HBP1: variants seen among roughly 807,000 people sequenced by gnomAD.
HBP1 encodes HMG-box transcription factor 1, also known as HMG box-containing protein 1.
In HBP1, 20 loss-of-function variants were observed where a neutral mutation model predicts 62.6. The ratio of observed to expected loss-of-function variants is 0.32; its 90% CI spans 0.22 to 0.46. HBP1 has a LOEUF of 0.46. HBP1 is among the 20% of genes least tolerant of loss of function. The pLI, the probability that HBP1 is intolerant of heterozygous loss-of-function variation, is 1.00. For synonymous variants in HBP1, 232 were observed against 206.2 expected (o/e 1.12, Z -1.07); for missense variants, 480 against 611.8 (o/e 0.78, Z 2.27).
rs967842590 is a variant in HBP1, at chr7:107,201,399, A to C, written c.1528-15A>C. ...GATTTGTAAACATTCACTGAGTTTA[A>C]TTTTATTTCCACAGGGCTCACAACA... On this transcript the variant is annotated splice_polypyrimidine_tract_variant and intron_variant, in intron 10 of 10. Coordinates refer to ENST00000222574, the MANE Select transcript of HBP1 (RefSeq NM_012257.4). 1.9e-6 allele frequency: 3 copies of C among 1,550,016 alleles called. No individual in the cohort carries two copies. The African/African-American group carries it at 4.1e-5, about 21-fold the overall frequency.
chr7:107,190,362 G>A (rs375860784), intron 8 of HBP1, 45 bp downstream of exon 8: 23 of 1,408,934 alleles, frequency 1.6e-5, no homozygotes, highest in Non-Finnish European at 2.2e-5. Flanking sequence ...CTTAAAGTTT[G>A]CCCTTCATTT....
chr7:107,171,853 T>A (rs1796614653), intron 1 of HBP1, among the ~76,000 whole-genome samples: 1 of 125,760 alleles, frequency 8.0e-6, no homozygotes, highest in African/African-American at 3.0e-5. Flanking sequence ...GAACGAGACT[T>A]CCTCTCCAAA....
At chr7:107,173,136 G>A (rs139670212) in intron 1 of HBP1, among the ~76,000 whole-genome samples, 87 of 152,226 alleles carry the variant, frequency 5.7e-4, no homozygotes, top group African/African-American at 2.0e-3. Flanking sequence ...AGATGCTTTT[G>A]GTATAGAAAG....
chr7:107,173,202 C>T (rs868279465), intron 1 of HBP1, among the ~76,000 whole-genome samples: 2 of 152,120 alleles, frequency 1.3e-5, no homozygotes, highest in Admixed American at 6.5e-5. Flanking sequence ...TTATGTAATC[C>T]ATTTAAAATA....
chr7:107,172,192 T>TA (rs1228660511), intron 1 of HBP1, among the ~76,000 whole-genome samples: 4 of 151,792 alleles, frequency 2.6e-5, no homozygotes, highest in African/African-American at 7.3e-5. Flanking sequence ...ATCATAGCTT[T>TA]AAAAAAAAGC....
chr7:107,194,763 TAAAAGG>T lies in HBP1; in HGVS notation c.1068-1070_1068-1065del, dbSNP rs553414484. ...AGCTAGGTTCAGATTAGAAGCTGAA[TAAAAGG>T]TTTCCTGCCAAGAAGATAGAAAAGT... On this transcript the variant is annotated intron_variant, in intron 8 of 10. Transcript: ENST00000222574. 1.5e-3 allele frequency among the ~76,000 whole-genome samples: 227 copies of T among 152,346 alleles called. 1 individual carries two copies. The highest frequency in any genetic ancestry group is 1.7e-3 in the Non-Finnish European group (113 of 68,036).
intron 8 of HBP1, chr7:107,192,640 T>A (rs569530369): frequency 2.6e-5 from 4 of 152,218 alleles, no homozygotes; most frequent in Non-Finnish European, 4.4e-5. Flanking sequence ...AGCACCAAAC[T>A]TTTTTAAAGT....
chr7:107,188,427 A>G (rs1797490638), intron 6 of HBP1, among the ~76,000 whole-genome samples: 2 of 152,176 alleles, frequency 1.3e-5, no homozygotes, highest in African/African-American at 2.4e-5. Context: ...CTAATTCTGT[A>G]AAGATTTTTA....
At position 107,201,623 on chromosome 7, in the gene HBP1, C is replaced by CT; in HGVS notation, c.*193dup. 2.3e-6 allele frequency: 1 copy of CT among 436,956 alleles called. No homozygotes were observed. The highest frequency in any genetic ancestry group is 4.1e-5 in the Admixed American group (1 of 24,260). The allele number at this position is 436,956 out of a possible 1,614,324, so 27.1% of individuals were successfully genotyped here. A position where few individuals can be genotyped will look rare whatever the true frequency, so the allele number is the denominator to read the frequency against. On this transcript the variant is annotated 3_prime_UTR_variant, in exon 11 of 11. Coordinates refer to ENST00000222574, the MANE Select transcript of HBP1 (RefSeq NM_012257.4). The stretch of plus-strand genomic sequence containing the variant: ...TCTCCATTAGAGCATTAAGCTAAAA[C>CT]TATCAACATTTTAAACCAAATTGCC...
Position 107,172,911 on chromosome 7 carries a change from A to T in HBP1, c.-16+3726A>T, listed in dbSNP as rs1057172669. 2.6e-5 allele frequency among the ~76,000 whole-genome samples: 4 copies of T among 151,406 alleles called. No individual in the cohort carries two copies. In the East Asian group the frequency reaches 7.7e-4, roughly 29 times the overall value. On this transcript the variant is annotated intron_variant, in intron 1 of 10. Coordinates refer to ENST00000222574, the MANE Select transcript of HBP1 (RefSeq NM_012257.4). ...CTGGCCACTAGTCTTATTTACAAATAAAAAAAACAGGTCCAAATAAGAAAA... is the reference window on the plus strand; with the variant it reads ...CTGGCCACTAGTCTTATTTACAAATTAAAAAAACAGGTCCAAATAAGAAAA...
intron 3 of HBP1, among the ~76,000 whole-genome samples, chr7:107,183,653 T>G (rs1797219371): frequency 6.6e-6 from 1 of 152,158 alleles, no homozygotes; most frequent in Non-Finnish European, 1.5e-5. Context: ...GGATTTTTTT[T>G]TTCTTTCTCT....
chr7:107,179,275 C>T (rs78833779), intron 1 of HBP1, among the ~76,000 whole-genome samples: 4 of 151,934 alleles, frequency 2.6e-5, no homozygotes, highest in East Asian at 1.9e-4. Flanking sequence ...TCTGAAAGGA[C>T]GGTTACTAGG....
intron 6 of HBP1, 72 bp from the exon 7 acceptor site, chr7:107,189,220 C>A: frequency 1.6e-6 from 2 of 1,279,738 alleles, no homozygotes; most frequent in South Asian, 1.4e-5. Flanking sequence ...CAAAGTCTTA[C>A]ATGTAATGGG....
chr7:107,174,178 A>G (rs1796730924), intron 1 of HBP1, among the ~76,000 whole-genome samples: 1 of 152,176 alleles, frequency 6.6e-6, no homozygotes, highest in Non-Finnish European at 1.5e-5. Context: ...CGTGAGTCTG[A>G]GATTGAGTGA....
At chr7:107,197,482 C>T (rs1427861325) in intron 9 of HBP1, among the ~76,000 whole-genome samples, 3 of 152,154 alleles carry the variant, frequency 2.0e-5, no homozygotes, top group African/African-American at 7.2e-5. Context: ...GATTCTCCTG[C>T]CTCAGCCACC....
At chr7:107,189,850 G>T (rs1478448147) in intron 7 of HBP1, 1 of 242,890 alleles carries the variant, frequency 4.1e-6, no homozygotes, top group Non-Finnish European at 7.8e-6. Flanking sequence ...ACTATTTCAT[G>T]GTCTCAGTCA....
rs1307204854 is a variant in HBP1 at position 107,188,891 on chromosome 7, C to T, written c.766-401C>T. ...GCCTCTCCTTATTAGCTTTATTTGCCCCAAATCTGAACTCACCTTGTATTT... is the reference window on the plus strand; with the variant it reads ...GCCTCTCCTTATTAGCTTTATTTGCTCCAAATCTGAACTCACCTTGTATTT... On this transcript the variant is annotated intron_variant, in intron 6 of 10. Coordinates refer to ENST00000222574, the MANE Select transcript of HBP1 (RefSeq NM_012257.4). Among the ~76,000 whole-genome samples, 9 of 152,206 alleles carry T rather than the reference C, an allele frequency of 5.9e-5. No individual in the cohort carries two copies. The South Asian group carries it at 1.7e-3, about 28-fold the overall frequency.
chr7:107,179,229 G>T (rs1224441156), intron 1 of HBP1, among the ~76,000 whole-genome samples: 1 of 146,476 alleles, frequency 6.8e-6, no homozygotes, highest in Non-Finnish European at 1.5e-5. Flanking sequence ...GAAGGTACAA[G>T]TGAAAAAAAG....
chr7:107,170,149 GTTTGT>G (rs759118929), intron 1 of HBP1: 42 of 984,850 alleles, frequency 4.3e-5, no homozygotes, highest in Non-Finnish European at 4.9e-5. Context: ...CAAGTTTTCT[GTTTGT>G]TTTGTTTTTG....
Sources: gnomAD v4.1 joint callset for allele counts (sites outside exome capture counted in the v4.1 genomes callset) on GRCh38, gnomAD v4.1.1 for gene constraint, MANE v1.5 for transcripts, NCBI Gene and HGNC (gene_info 2026-07-23, HGNC 2026-07-21) for gene names.